Variants in EYA4 observed in about 807,000 individuals in gnomAD.
The protein encoded by EYA4 is protein phosphatase EYA4.
In EYA4, 31 loss-of-function variants were observed where a neutral mutation model predicts 87.9. That is an observed-to-expected ratio of 0.35 (90% CI 0.27 to 0.48). The LOEUF is 0.48. EYA4 is among the 20% of genes least tolerant of loss of function. The pLI is 0.99. For missense variants in EYA4, 678 were observed against 761.4 expected (o/e 0.89, Z 1.29); for synonymous variants, 263 against 270.6 (o/e 0.97, Z 0.28).
chr6:133,303,182 G>T (rs1399198439), intron 2 of EYA4, among the ~76,000 whole-genome samples: 1 of 151,992 alleles, frequency 6.6e-6, no homozygotes, highest in East Asian at 1.9e-4. Flanking sequence ...ACTGTATTTG[G>T]TTCTAGTAGA....
At chr6:133,479,777 T>C (rs59937049) in intron 11 of EYA4, among the ~76,000 whole-genome samples, 1,826 of 152,240 alleles carry the variant, frequency 0.012, 31 homozygotes, top group African/African-American at 0.042. Flanking sequence ...TTTAGAGAGA[T>C]TGAATAAAAT....
chr6:133,455,224 T>G (rs1005167479), intron 5 of EYA4, among the ~76,000 whole-genome samples: 1 of 152,190 alleles, frequency 6.6e-6, no homozygotes, highest in Non-Finnish European at 1.5e-5. Flanking sequence ...AAATTACTAC[T>G]GAAAAGTAAT....
chr6:133,250,077 C>T (rs1301367517), intron 1 of EYA4, among the ~76,000 whole-genome samples: 1 of 152,192 alleles, frequency 6.6e-6, no homozygotes, highest in African/African-American at 2.4e-5. Context: ...AGACTGGGAA[C>T]AGTGAGAAGG....
At chr6:133,445,315 A>G (rs1792707926) in intron 3 of EYA4, among the ~76,000 whole-genome samples, 1 of 152,200 alleles carries the variant, frequency 6.6e-6, no homozygotes, top group Admixed American at 6.5e-5. Flanking sequence ...TCATGAATTA[A>G]GAGAAAAATA....
chr6:133,515,620 TGA>T (rs1184508881), intron 17 of EYA4, among the ~76,000 whole-genome samples, 185 bp downstream of exon 17: 4 of 101,898 alleles, frequency 3.9e-5, no homozygotes, highest in African/African-American at 1.1e-4. Flanking sequence ...AGTGTGTGTG[TGA>T]GTGTGTGTGT....
chr6:133,377,879 A>G (rs752047001), intron 2 of EYA4, among the ~76,000 whole-genome samples: 5 of 152,080 alleles, frequency 3.3e-5, no homozygotes, highest in Non-Finnish European at 5.9e-5. Context: ...GGTCGTTCCC[A>G]GAAATCCACT....
intron 2 of EYA4, among the ~76,000 whole-genome samples, chr6:133,324,814 T>C (rs1342528743): frequency 6.6e-6 from 1 of 151,910 alleles, no homozygotes. Context: ...GGGAAATTGG[T>C]ATTTCAAAAA....
chr6:133,361,438 G>A (rs1784439467), intron 2 of EYA4, among the ~76,000 whole-genome samples: 1 of 152,176 alleles, frequency 6.6e-6, no homozygotes. Context: ...ACAAGAAAAT[G>A]CTGATACCTG....
intron 3 of EYA4, among the ~76,000 whole-genome samples, chr6:133,438,741 T>A (rs1357289376): frequency 6.6e-6 from 1 of 151,984 alleles, no homozygotes. Flanking sequence ...ATTTGTTTGA[T>A]CATTTAAATT....
intron 13 of EYA4, among the ~76,000 whole-genome samples, chr6:133,485,745 T>C (rs1258942329): frequency 6.6e-6 from 1 of 152,202 alleles, no homozygotes; most frequent in African/African-American, 2.4e-5. Flanking sequence ...GAGGTAAAAC[T>C]TAAGAAATAT....
intron 2 of EYA4, among the ~76,000 whole-genome samples, chr6:133,281,419 A>G (rs965603370): frequency 6.6e-5 from 10 of 152,148 alleles, no homozygotes; most frequent in African/African-American, 1.9e-4. Flanking sequence ...TCATTTCTCT[A>G]TGATTTCTCA....
intron 3 of EYA4, among the ~76,000 whole-genome samples, chr6:133,435,838 TACAC>T (rs34013885): frequency 1.3e-5 from 2 of 151,188 alleles, no homozygotes; most frequent in African/African-American, 2.4e-5. Flanking sequence ...TGCACGCGTG[TACAC>T]ACACACACAC....
At chr6:133,413,156 A>G (rs1789390903) in intron 3 of EYA4, among the ~76,000 whole-genome samples, 3 of 152,128 alleles carry the variant, frequency 2.0e-5, no homozygotes, top group Admixed American at 1.3e-4. Flanking sequence ...CAGCTAGGCC[A>G]TTAATCCTGC....
chr6:133,489,011 A>G (rs1796914863), intron 13 of EYA4, among the ~76,000 whole-genome samples: 1 of 152,210 alleles, frequency 6.6e-6, no homozygotes, highest in South Asian at 2.1e-4. Context: ...AAAATTCAAG[A>G]TAACAGAGAA....
At chr6:133,280,257 A>G (rs9321396) in intron 2 of EYA4, among the ~76,000 whole-genome samples, 41,662 of 152,060 alleles carry the variant, frequency 0.27, 6,379 homozygotes, top group East Asian at 0.49. Context: ...TGTTAACTCC[A>G]AATTGCCAAT....
intron 3 of EYA4, among the ~76,000 whole-genome samples, chr6:133,425,704 C>G (rs1790610487): frequency 6.6e-6 from 1 of 150,668 alleles, no homozygotes; most frequent in Non-Finnish European, 1.5e-5. Flanking sequence ...TAGTTTAGCT[C>G]TAACTATCTC....
At chr6:133,493,773 G>C (rs942272515) in intron 13 of EYA4, among the ~76,000 whole-genome samples, 8 of 152,066 alleles carry the variant, frequency 5.3e-5, no homozygotes, top group Non-Finnish European at 1.2e-4. Context: ...ATAAAAACCG[G>C]TCAAGAAATT....
At chr6:133,496,998 T>A (rs1398174969) in intron 13 of EYA4, among the ~76,000 whole-genome samples, 1 of 152,148 alleles carries the variant, frequency 6.6e-6, no homozygotes, top group Non-Finnish European at 1.5e-5. Flanking sequence ...CTACCTGTCT[T>A]TCTTCCTCTC....
chr6:133,358,369 A>T (rs1258462431), intron 2 of EYA4, among the ~76,000 whole-genome samples: 1 of 152,212 alleles, frequency 6.6e-6, no homozygotes, highest in East Asian at 1.9e-4. Flanking sequence ...TGAAAGTGAG[A>T]CAAGAATGAT....
Sources: allele counts gnomAD v4.1 joint callset (sites outside exome capture counted in the v4.1 genomes callset), GRCh38; gene constraint gnomAD v4.1.1; transcripts MANE v1.5; gene names NCBI Gene and HGNC (gene_info 2026-07-23, HGNC 2026-07-21).